The following NPIPA8 variants were observed in gnomAD, a reference collection of about 807,000 sequenced individuals.
The protein encoded by NPIPA8 is nuclear pore complex-interacting protein family member A8.
NPIPA8 carries 1 observed loss-of-function variant against 7.1 expected under a neutral mutation model. The ratio of observed to expected loss-of-function variants is 0.14; its 90% CI spans 0.05 to 0.66. The LOEUF (loss-of-function observed/expected upper bound fraction) is 0.66, where lower values mean the gene tolerates loss of function less well. Among genes scored for constraint, NPIPA8 ranks in the 30% least tolerant of loss-of-function variants. The pLI, the probability that NPIPA8 is intolerant of heterozygous loss-of-function variation, is 0.84.
upstream of NPIPA8, among the ~76,000 whole-genome samples, chr16:18,336,111 C>T (rs1467887972): frequency 1.4e-5 from 2 of 146,854 alleles, no homozygotes; most frequent in South Asian, 2.2e-4. Context: ...CGTGAGCCAC[C>T]GTGCCTGGCC....
At chr16:18,325,080 G>A (rs1405896298) in intron 2 of NPIPA8, among the ~76,000 whole-genome samples, 12 of 68,552 alleles carry the variant, frequency 1.8e-4, no homozygotes, top group Non-Finnish European at 2.5e-4. Flanking sequence ...GTTGTGGTGA[G>A]CTGAGATTGT....
chr16:18,323,338 G>A (rs1223710138), intron 4 of NPIPA8, among the ~76,000 whole-genome samples: 1 of 11,350 alleles, frequency 8.8e-5, no homozygotes, highest in African/African-American at 8.7e-4. Flanking sequence ...GTGAGACTCC[G>A]TCTCAAAAAA....
upstream of NPIPA8, among the ~76,000 whole-genome samples, chr16:18,335,802 A>G (rs1490149149): frequency 8.6e-3 from 1,118 of 130,444 alleles, 1 homozygote; most frequent in African/African-American, 0.017. Context: ...TCTGAGCCCA[A>G]GCTTTTCTTT....
At chr16:18,324,875 C>T (rs1441554701) in intron 2 of NPIPA8, among the ~76,000 whole-genome samples, 1 of 81,878 alleles carries the variant, frequency 1.2e-5, no homozygotes, top group African/African-American at 6.1e-5. Flanking sequence ...TGGCTCACTC[C>T]TGTAATCCCA....
chr16:18,335,491 C>A (rs1247235824), upstream of NPIPA8, among the ~76,000 whole-genome samples: 6 of 122,142 alleles, frequency 4.9e-5, no homozygotes, highest in Non-Finnish European at 1.0e-4. Flanking sequence ...TGAGCCACCA[C>A]GCCCGGCCAT....
upstream of NPIPA8, among the ~76,000 whole-genome samples, chr16:18,335,964 G>A (rs1392022903): frequency 2.6e-5 from 4 of 151,266 alleles, no homozygotes; most frequent in East Asian, 7.9e-4. Context: ...GGGACTACAG[G>A]CGCCCGCCAC....
rs2141361841 is a variant in NPIPA8 at position 18,324,500 on chromosome 16, T to A, written c.193-2A>T. ...GAAGATAGTCTTCAGGAAAGACACC[T>A]AGGAAATAATAATATAAGAATGACG... On this transcript the variant is annotated splice_acceptor_variant, in intron 2 of 7. Coordinates refer to ENST00000541810, the Ensembl canonical transcript of NPIPA8. LOFTEE classifies it high-confidence loss of function. The A allele has an allele frequency of 2.2e-6, 1 of 463,148 alleles. No individual in the cohort carries two copies. The highest frequency in any genetic ancestry group is 3.3e-5 in the East Asian group (1 of 30,720). 28.7% of individuals were successfully genotyped at this position (463,148 alleles called of 1,614,324 possible).
chr16:18,335,905 C>A (rs1900169557), upstream of NPIPA8, among the ~76,000 whole-genome samples: 3 of 144,968 alleles, frequency 2.1e-5, no homozygotes, highest in South Asian at 4.4e-4. Flanking sequence ...ACTGCAAGCT[C>A]CGCCTCCTGG....
chr16:18,324,662 G>T (rs1223749691), intron 2 of NPIPA8, among the ~76,000 whole-genome samples, 164 bp from the exon 5 acceptor site: 1 of 76,452 alleles, frequency 1.3e-5, no homozygotes, highest in East Asian at 3.0e-4. Context: ...AAAATTAGCC[G>T]GGCATGGCAG....
At chr16:18,336,132 T>C (rs1900176342), upstream of NPIPA8, among the ~76,000 whole-genome samples, 1 of 129,450 alleles carries the variant, frequency 7.7e-6, no homozygotes, top group African/African-American at 3.1e-5. Context: ...CTTTTTAATG[T>C]TTTATATAGA....
At chr16:18,335,969 C>T (rs1448528522), upstream of NPIPA8, among the ~76,000 whole-genome samples, 12 of 151,222 alleles carry the variant, frequency 7.9e-5, no homozygotes, top group African/African-American at 1.2e-4. Context: ...TACAGGCGCC[C>T]GCCACCATGC....
At chr16:18,335,852 G>T (rs1159561232), upstream of NPIPA8, among the ~76,000 whole-genome samples, 1 of 127,296 alleles carries the variant, frequency 7.9e-6, no homozygotes, top group Non-Finnish European at 1.6e-5. Flanking sequence ...ATGGAGTCTT[G>T]CTCCATTGCC....
chr16:18,335,695 T>A (rs1234592880), upstream of NPIPA8, among the ~76,000 whole-genome samples: 2 of 118,658 alleles, frequency 1.7e-5, no homozygotes, highest in African/African-American at 7.6e-5. Flanking sequence ...TCCGTATGAA[T>A]GGGAAGAGTT....
At chr16:18,323,848 A>AAAAAAAAAAGG (rs1900056339) in intron 4 of NPIPA8, among the ~76,000 whole-genome samples, 1 of 112,576 alleles carries the variant, frequency 8.9e-6, no homozygotes, top group Non-Finnish European at 1.9e-5. Flanking sequence ...AAAAAAAAAA[A>AAAAAAAAAAGG]GAGAAAGGAA....
intron 4 of NPIPA8, among the ~76,000 whole-genome samples, chr16:18,323,819 G>GAAAAAAAAAAA (rs1162097124): frequency 6.9e-4 from 23 of 33,162 alleles, no homozygotes; most frequent in East Asian, 3.0e-3. Context: ...CCCATCTCAG[G>GAAAAAAAAAAA]AAAAAAAAAA....
In NPIPA8 at chr16:18,323,847, A is replaced by AAAAAAG. The variant is rs750129798; in HGVS notation, c.437+243_437+244insCTTTTT. 1.3e-3 allele frequency among the ~76,000 whole-genome samples: 117 copies of AAAAAAG among 91,612 alleles called. 13 individuals are homozygous for AAAAAAG. The highest frequency in any genetic ancestry group is 4.0e-3 in the African/African-American group (106 of 26,558). The allele number at this position is 91,612 out of a possible 152,430, so 60.1% of individuals were successfully genotyped here. A position where few individuals can be genotyped will look rare whatever the true frequency, so the allele number is the denominator to read the frequency against. ...AAAAAAAAAAAAAAAAAAAAAAAAA[A>AAAAAAG]AGAGAAAGGAAAACCAATGCCAGTA... On this transcript the variant is annotated intron_variant, in intron 4 of 7. Coordinates refer to ENST00000541810, the Ensembl canonical transcript of NPIPA8.
intron 2 of NPIPA8, among the ~76,000 whole-genome samples, chr16:18,324,817 C>A (rs551002664): frequency 1.1e-5 from 1 of 87,864 alleles, no homozygotes; most frequent in Admixed American, 1.2e-4. Flanking sequence ...CACACACACA[C>A]ACACACACAC....
upstream of NPIPA8, among the ~76,000 whole-genome samples, chr16:18,335,972 C>T (rs1381739837): frequency 2.6e-5 from 4 of 151,380 alleles, no homozygotes; most frequent in African/African-American, 9.8e-5. Flanking sequence ...AGGCGCCCGC[C>T]ACCATGCCCA....
rs1312564986 is a variant in NPIPA8 at position 18,324,753 on chromosome 16, G to A, written c.193-255C>T. Among the ~76,000 whole-genome samples, 10 of 71,398 alleles carry A rather than the reference G, an allele frequency of 1.4e-4. No individual in the cohort carries two copies. In the South Asian group the frequency reaches 2.3e-3, roughly 16 times the overall value. The allele number at this position is 71,398 out of a possible 152,430, so 46.8% of individuals were successfully genotyped here. ...TGGGAGGCGGAGTTTGCAGTGAGCC[G>A]AGATCACACCACTGCACTCCAGCCT... On this transcript the variant is annotated intron_variant, in intron 2 of 7. Transcript: ENST00000541810.
Sources: gnomAD v4.1 joint callset for allele counts (sites outside exome capture counted in the v4.1 genomes callset) on GRCh38, gnomAD v4.1.1 for gene constraint, MANE v1.5 for transcripts, NCBI Gene and HGNC (gene_info 2026-07-23, HGNC 2026-07-21) for gene names.